MED15: variants seen among roughly 807,000 people sequenced by gnomAD.
The protein encoded by MED15 is mediator of RNA polymerase II transcription subunit 15.
A neutral mutation model predicts 118.7 loss-of-function variants in MED15; 41 were observed. That is an observed-to-expected ratio of 0.35 (90% CI 0.27 to 0.45). The LOEUF is 0.45. Among genes scored for constraint, MED15 ranks in the 20% least tolerant of loss-of-function variants. The probability of loss-of-function intolerance (pLI) is 1.00; values close to 1 mark genes in which losing one functional copy is unlikely to be tolerated. For synonymous variants in MED15, 436 were observed against 413.9 expected (o/e 1.05, Z -0.65); for missense variants, 740 against 1,025.5 (o/e 0.72, Z 3.80).
intron 1 of MED15, among the ~76,000 whole-genome samples, chr22:20,525,435 A>T (rs1433752445): frequency 1.3e-5 from 2 of 149,438 alleles, no homozygotes; most frequent in African/African-American, 2.5e-5. Flanking sequence ...CTGGTCTTGA[A>T]CTCCTGGCCT....
chr22:20,538,668 A>G (rs1359621633), intron 2 of MED15, among the ~76,000 whole-genome samples: 2 of 152,074 alleles, frequency 1.3e-5, no homozygotes, highest in Non-Finnish European at 2.9e-5. Context: ...AATTTTCCAT[A>G]TAAATATAAT....
At chr22:20,571,094 G>T (rs1054431085) in intron 8 of MED15, among the ~76,000 whole-genome samples, 12 of 152,164 alleles carry the variant, frequency 7.9e-5, no homozygotes, top group Non-Finnish European at 1.6e-4. Flanking sequence ...TTGGTATTTG[G>T]AAAGTGAATA....
At chr22:20,552,444 G>A (rs572960407) in intron 3 of MED15, 2 of 347,044 alleles carry the variant, frequency 5.8e-6, no homozygotes, top group East Asian at 1.9e-4. Flanking sequence ...ACTCTCTGTG[G>A]TGTTGGAAAG....
chr22:20,532,689 G>A (rs2054906465), intron 1 of MED15, among the ~76,000 whole-genome samples: 5 of 152,196 alleles, frequency 3.3e-5, no homozygotes, highest in Admixed American at 3.3e-4. Flanking sequence ...GCTAGAGCGA[G>A]CACCACCCAG....
rs1041429290 is a variant in MED15 at position 20,534,535 on chromosome 22, G to T, written c.69-2582G>T. Among the ~76,000 whole-genome samples the T allele has an allele frequency of 7.3e-5, 11 of 150,984 alleles. 1 individual carries two copies. The South Asian group carries it at 2.3e-3, about 31-fold the overall frequency. On this transcript the variant is annotated intron_variant, in intron 1 of 17. Transcript: ENST00000263205. ...GACATTGTCTCAAAAAACAAAAGAAGAAAAAGAAAAAAGGAAGGTGGGAAG... is the reference window on the plus strand; with the variant it reads ...GACATTGTCTCAAAAAACAAAAGAATAAAAAGAAAAAAGGAAGGTGGGAAG...
At chr22:20,585,440 C>A in intron 16 of MED15, 173 bp downstream of exon 16, 1 of 886,402 alleles carries the variant, frequency 1.1e-6, no homozygotes, top group Non-Finnish European at 1.7e-6. Context: ...CCTGGCCATG[C>A]CTCAGTCCCC....
At chr22:20,543,887 A>G (rs988452724) in intron 2 of MED15, among the ~76,000 whole-genome samples, 2 of 152,220 alleles carry the variant, frequency 1.3e-5, no homozygotes, top group Non-Finnish European at 2.9e-5. Flanking sequence ...TTTGATTGGA[A>G]GTCTGCTCAG....
At chr22:20,535,868 C>A (rs75623375) in intron 1 of MED15, among the ~76,000 whole-genome samples, 1 of 95,108 alleles carries the variant, frequency 1.1e-5, no homozygotes, top group Non-Finnish European at 1.9e-5. Context: ...CTGCTTCTTT[C>A]TTTCTTTTTT....
chr22:20,566,390 C>A, intron 6 of MED15, 77 bp from the exon 7 acceptor site: 3 of 1,578,204 alleles, frequency 1.9e-6, no homozygotes, highest in East Asian at 2.2e-5. Context: ...CTTCCTGAGG[C>A]CCAGACTGTC....
chr22:20,525,530 CTTTTT>C (rs753248152), intron 1 of MED15, among the ~76,000 whole-genome samples: 1 of 113,316 alleles, frequency 8.8e-6, no homozygotes, highest in Non-Finnish European at 1.7e-5. Context: ...TGACCTTTCT[CTTTTT>C]TTTTTTTTTT....
At chr22:20,525,201 G>A (rs1394377467) in intron 1 of MED15, among the ~76,000 whole-genome samples, 1 of 152,108 alleles carries the variant, frequency 6.6e-6, no homozygotes, top group African/African-American at 2.4e-5. Flanking sequence ...TGAGGAGGGA[G>A]GATTGCTTGA....
chr22:20,584,974 A>G lies in MED15; in HGVS notation c.1923A>G (p.Thr641=). Residue 641 remains threonine (T), a synonymous_variant, in exon 15 of 18, where the codon ACA becomes ACG. Transcript: ENST00000263205. ...SPVFNHSLYR[T]FVPAMTAIHG... ...TCTTCAACCATTCCCTGTACCGCACATTCGTTCCAGCCATGACCGCCATTC... is the reference window on the plus strand; with the variant it reads ...TCTTCAACCATTCCCTGTACCGCACGTTCGTTCCAGCCATGACCGCCATTC... The G allele has an allele frequency of 1.9e-6, 3 of 1,613,916 alleles. No homozygotes were observed. The highest frequency in any genetic ancestry group is 2.5e-6 in the Non-Finnish European group (3 of 1,179,998).
intron 11 of MED15, 70 bp from the exon 12 acceptor site, chr22:20,583,043 G>A: frequency 6.4e-7 from 1 of 1,566,174 alleles, no homozygotes; most frequent in Non-Finnish European, 8.7e-7. Flanking sequence ...TGCGAGCTCT[G>A]GGGCCCTCAG....
intron 5 of MED15, among the ~76,000 whole-genome samples, chr22:20,561,173 TCAATC>T (rs1310966274): frequency 6.6e-6 from 1 of 151,886 alleles, no homozygotes; most frequent in Non-Finnish European, 1.5e-5. Flanking sequence ...AATACAAAGT[TCAATC>T]CAATCATCCA....
intron 6 of MED15, among the ~76,000 whole-genome samples, chr22:20,565,618 G>T (rs576547905): frequency 6.6e-6 from 1 of 152,258 alleles, no homozygotes; most frequent in African/African-American, 2.4e-5. Context: ...CAGCTAGCTG[G>T]GCTTCTCTGG....
At chr22:20,520,611 A>G (rs184514273) in intron 1 of MED15, among the ~76,000 whole-genome samples, 64 of 152,160 alleles carry the variant, frequency 4.2e-4, no homozygotes, top group African/African-American at 1.3e-3. Context: ...CATACTTCCA[A>G]TCTTGAGTGT....
intron 5 of MED15, among the ~76,000 whole-genome samples, chr22:20,559,291 A>G (rs1016913539): frequency 6.6e-6 from 1 of 152,232 alleles, no homozygotes; most frequent in African/African-American, 2.4e-5. Context: ...TTGAACGAAG[A>G]AAGTGGATGA....
At chr22:20,574,282 T>A (rs545012523) in intron 8 of MED15, 2 of 152,392 alleles carry the variant, frequency 1.3e-5, no homozygotes, top group Admixed American at 6.5e-5. Flanking sequence ...GGGACGAGAC[T>A]CGGGCTCTAC....
intron 5 of MED15, among the ~76,000 whole-genome samples, chr22:20,560,101 G>A (rs762325611): frequency 3.7e-4 from 56 of 152,072 alleles, no homozygotes; most frequent in Non-Finnish European, 6.9e-4. Flanking sequence ...TACAAATACA[G>A]GTCAGTCCCC....
Sources: gnomAD v4.1 joint callset for allele counts (sites outside exome capture counted in the v4.1 genomes callset) on GRCh38, gnomAD v4.1.1 for gene constraint, MANE v1.5 for transcripts, NCBI Gene and HGNC (gene_info 2026-07-23, HGNC 2026-07-21) for gene names.